Variants in SAMM50 observed in about 807,000 individuals in gnomAD.
SAMM50 encodes SAMM50 sorting and assembly machinery component.
In SAMM50, 47 loss-of-function variants were observed where a neutral mutation model predicts 66.9. The observed-to-expected ratio is 0.70, with a 90% confidence interval of 0.56 to 0.90. The LOEUF (loss-of-function observed/expected upper bound fraction) is 0.90, where lower values mean the gene tolerates loss of function less well. Ranked by LOEUF, SAMM50 falls within the 40% of genes least tolerant of loss-of-function variation. SAMM50 has a pLI of 0.00. For synonymous variants in SAMM50, 191 were observed against 214.1 expected (o/e 0.89, Z 0.94); for missense variants, 535 against 595.3 (o/e 0.90, Z 1.05).
At chr22:43,995,168 G>C (rs1411360115) in intron 14 of SAMM50, among the ~76,000 whole-genome samples, 1 of 152,186 alleles carries the variant, frequency 6.6e-6, no homozygotes, top group African/African-American at 2.4e-5. Flanking sequence ...TCTGGTGAGA[G>C]GACTGCAGTG....
At position 43,955,576 on chromosome 22, in the gene SAMM50, C is replaced by A. The variant is rs775633756; in HGVS notation, c.-2C>A. 6.2e-7 allele frequency: 1 copy of A among 1,601,216 alleles called. No homozygotes were observed. The highest frequency in any genetic ancestry group is 1.1e-5 in the South Asian group (1 of 88,936). On this transcript the variant is annotated 5_prime_UTR_variant, in exon 1 of 15. Coordinates refer to ENST00000350028, the MANE Select transcript of SAMM50 (RefSeq NM_015380.5). The stretch of plus-strand genomic sequence containing the variant: ...TGCGAGGCAGCGGCTGGAGAGGGAA[C>A]CATGGGGACTGTGCACGCCCGGGTA...
At chr22:43,967,425 G>A (rs1457471072) in intron 3 of SAMM50, among the ~76,000 whole-genome samples, 2 of 152,208 alleles carry the variant, frequency 1.3e-5, no homozygotes, top group East Asian at 1.9e-4. Flanking sequence ...GCTAAGCGCC[G>A]AGCTGCAGTT....
At chr22:43,961,922 G>A (rs747700928) in intron 1 of SAMM50, among the ~76,000 whole-genome samples, 1 of 151,630 alleles carries the variant, frequency 6.6e-6, no homozygotes, top group Non-Finnish European at 1.5e-5. Flanking sequence ...ACTATTTTTA[G>A]TAGAGATGAA....
At chr22:43,960,119 T>A (rs1420901762) in intron 1 of SAMM50, among the ~76,000 whole-genome samples, 1 of 152,204 alleles carries the variant, frequency 6.6e-6, no homozygotes, top group Non-Finnish European at 1.5e-5. Context: ...AGATAAAGCA[T>A]TTTTGCTAGG....
At chr22:43,964,312 A>G in intron 2 of SAMM50, 140 bp from the exon 3 acceptor site, 1 of 517,326 alleles carries the variant, frequency 1.9e-6, no homozygotes, top group Non-Finnish European at 3.5e-6. Context: ...GAAAGATAGT[A>G]AAGTCCAGAG....
intron 3 of SAMM50, among the ~76,000 whole-genome samples, chr22:43,964,862 G>A (rs527900373): frequency 5.9e-5 from 9 of 152,262 alleles, no homozygotes; most frequent in Admixed American, 1.3e-4. Flanking sequence ...GTGCACAGCC[G>A]TTCCCAGGCA....
At chr22:43,970,413 G>A (rs563072219) in intron 4 of SAMM50, among the ~76,000 whole-genome samples, 2 of 152,266 alleles carry the variant, frequency 1.3e-5, no homozygotes, top group South Asian at 4.1e-4. Flanking sequence ...TCCCTCTGAT[G>A]GCTGAGCACC....
intron 3 of SAMM50, among the ~76,000 whole-genome samples, chr22:43,966,334 C>G (rs1348836324): frequency 1.3e-5 from 2 of 151,588 alleles, no homozygotes; most frequent in Non-Finnish European, 2.9e-5. Context: ...CCGTATTGCT[C>G]TGCAAAGAGA....
intron 1 of SAMM50, among the ~76,000 whole-genome samples, chr22:43,958,539 C>T (rs1003936302): frequency 8.3e-5 from 11 of 132,104 alleles, no homozygotes; most frequent in Non-Finnish European, 1.2e-4. Flanking sequence ...AGTGCAGTGG[C>T]GCCATCTCGG....
intron 4 of SAMM50, among the ~76,000 whole-genome samples, chr22:43,971,653 A>G (rs2050204281): frequency 6.6e-6 from 1 of 152,204 alleles, no homozygotes; most frequent in Non-Finnish European, 1.5e-5. Context: ...TGCTTAAGTG[A>G]ATAATGCTGC....
chr22:43,996,471 C>G lies in SAMM50; in HGVS notation c.*88C>G, dbSNP rs527268599. 1.4e-4 allele frequency: 179 copies of G among 1,274,000 alleles called. No homozygotes were observed. The African/African-American group carries it at 2.4e-3, about 17-fold the overall frequency. 78.9% of individuals were successfully genotyped at this position (1,274,000 alleles called of 1,614,324 possible). A position where few individuals can be genotyped will look rare whatever the true frequency, so the allele number is the denominator to read the frequency against. On this transcript the variant is annotated 3_prime_UTR_variant, in exon 15 of 15. Transcript: ENST00000350028. ...CGTCTCTCGAGGAAACGCGGTTCAG[C>G]GATTCTTTGACTGCGGACCCTGTGG...
chr22:43,983,474 C>G lies in SAMM50; in HGVS notation c.1008-459C>G, dbSNP rs2050274920. On this transcript the variant is annotated intron_variant, in intron 11 of 14. Transcript: ENST00000350028. The surrounding 1 kb of genome is among the most constrained non-coding windows in gnomAD (Gnocchi z 4.2). ...AAAAATTATAAACCTAACAAGAATTCTTTTTTGGTCTGTTTCTAGTATTAT... is the reference window on the plus strand; with the variant it reads ...AAAAATTATAAACCTAACAAGAATTGTTTTTTGGTCTGTTTCTAGTATTAT... Among the ~76,000 whole-genome samples the G allele has an allele frequency of 6.6e-6, 1 of 152,078 alleles. No homozygotes were observed. The highest frequency in any genetic ancestry group is 2.4e-5 in the African/African-American group (1 of 41,404).
At position 43,955,460 on chromosome 22, in the gene SAMM50, G is replaced by A; in HGVS notation, c.-118G>A. 1 of 1,206,790 alleles carries A rather than the reference G, an allele frequency of 8.3e-7. No individual in the cohort carries two copies. The allele number at this position is 1,206,790 out of a possible 1,614,324, so 74.8% of individuals were successfully genotyped here. On this transcript the variant is annotated 5_prime_UTR_variant, in exon 1 of 15. Transcript: ENST00000350028. Reference sequence around the variant, plus strand: ...CGCCCCCAGTGTTCCGCGTCCGGGGGTTTGTGGGAGTTGCCTTGACCTGCA... The same window carrying A: ...CGCCCCCAGTGTTCCGCGTCCGGGGATTTGTGGGAGTTGCCTTGACCTGCA...
chr22:43,995,647 G>A (rs1372347814), intron 14 of SAMM50, among the ~76,000 whole-genome samples: 1 of 152,182 alleles, frequency 6.6e-6, no homozygotes, highest in East Asian at 1.9e-4. Flanking sequence ...AAGGCCTGTG[G>A]GTGCCCCTGA....
Position 43,976,178 on chromosome 22 carries a change from C to A in SAMM50, c.772C>A (p.Leu258Ile). The change falls in exon 8 of 15, where the codon CTT (leucine) becomes ATT (isoleucine). Residue 258 changes from leucine (L) to isoleucine (I), a missense_variant. Physicochemically the swap from Leu to Ile is conservative, Grantham distance 5. Coordinates refer to ENST00000350028, the MANE Select transcript of SAMM50 (RefSeq NM_015380.5). ...KESGHSLKSS[L>I]SHAMVIDSRN... ...AAGCGGACATTCACTGAAATCATCT[C>A]TTTCGGTAACGGTTTCTCTTAGTTG... 6.2e-7 allele frequency: 1 copy of A among 1,604,086 alleles called. No homozygotes were observed. Among genetic ancestry groups the A allele is most frequent in the Non-Finnish European group, 8.5e-7 (1 of 1,171,708 alleles).
intron 11 of SAMM50, 48 bp downstream of exon 11, chr22:43,981,509 A>G: frequency 7.6e-7 from 1 of 1,316,434 alleles, no homozygotes; most frequent in African/African-American, 1.4e-5. Flanking sequence ...TTTCCTTTGG[A>G]TCTTTTCAGT....
At chr22:43,970,530 G>C (rs781254256) in intron 4 of SAMM50, among the ~76,000 whole-genome samples, 7 of 152,188 alleles carry the variant, frequency 4.6e-5, no homozygotes, top group Non-Finnish European at 7.3e-5. Flanking sequence ...CATCCCATTG[G>C]CCAGGACTTA....
chr22:43,972,159 T>C (rs6006595), intron 4 of SAMM50, 77 bp from the exon 5 acceptor site: 99,300 of 788,848 alleles, frequency 0.13, 7,028 homozygotes, highest in South Asian at 0.22. Context: ...CAGATTGCTT[T>C]TTGTCTTTTT....
At chr22:43,985,200 T>C (rs1394095497) in intron 12 of SAMM50, among the ~76,000 whole-genome samples, 1 of 152,030 alleles carries the variant, frequency 6.6e-6, no homozygotes, top group African/African-American at 2.4e-5. Flanking sequence ...GGTGAAGCAA[T>C]ATGATAACCT....
Sources: gnomAD v4.1 joint callset for allele counts (sites outside exome capture counted in the v4.1 genomes callset) on GRCh38, gnomAD v4.1.1 for gene constraint, Gnocchi (gnomAD v3.1) non-coding constraint, MANE v1.5 for transcripts, NCBI Gene and HGNC (gene_info 2026-07-23, HGNC 2026-07-21) for gene names.